The following SIL1 variants were observed in gnomAD, a reference collection of about 807,000 sequenced individuals.
The protein encoded by SIL1 is nucleotide exchange factor SIL1.
Under a neutral mutation model 49.1 loss-of-function variants are expected in SIL1, and 40 were observed. That is an observed-to-expected ratio of 0.81 (90% CI 0.63 to 1.06). The LOEUF is 1.06. Among genes scored for constraint, SIL1 ranks in the 50% least tolerant of loss-of-function variants. SIL1 has a pLI of 0.00. For synonymous variants in SIL1, 253 were observed against 250.8 expected, an observed-to-expected ratio of 1.01 and a Z score of -0.08; for missense variants, 500 against 572.6, an observed-to-expected ratio of 0.87 and a Z score of 1.29.
intron 3 of SIL1, among the ~76,000 whole-genome samples, chr5:139,054,248 T>A (rs1279710980): frequency 2.6e-5 from 4 of 152,008 alleles, no homozygotes; most frequent in East Asian, 1.9e-4. Flanking sequence ...TACAAAAAAA[T>A]TAAAATAAAA....
intron 1 of SIL1, among the ~76,000 whole-genome samples, chr5:139,146,076 T>A (rs1474897102): frequency 6.6e-6 from 1 of 152,016 alleles, no homozygotes; most frequent in East Asian, 1.9e-4. Context: ...ACTTCTGGGG[T>A]CAAGTGATTG....
chr5:138,960,711 C>G (rs1767002967), intron 7 of SIL1, among the ~76,000 whole-genome samples: 1 of 152,210 alleles, frequency 6.6e-6, no homozygotes, highest in Non-Finnish European at 1.5e-5. Context: ...CAGCCTTGAC[C>G]TCCCAAGTGC....
At chr5:139,165,022 G>A (rs1304181397) in intron 1 of SIL1, among the ~76,000 whole-genome samples, 3 of 152,166 alleles carry the variant, frequency 2.0e-5, no homozygotes, top group Non-Finnish European at 2.9e-5. Context: ...ATATTCTATA[G>A]AGAATCCCCT....
At chr5:139,061,360 A>AG (rs997012644) in intron 3 of SIL1, among the ~76,000 whole-genome samples, 1 of 152,176 alleles carries the variant, frequency 6.6e-6, no homozygotes, top group African/African-American at 2.4e-5. Flanking sequence ...GGACTTCAGG[A>AG]GGGGTGAAAA....
chr5:139,042,682 G>T lies in SIL1; in HGVS notation c.391C>A (p.Leu131Ile). 1.2e-6 allele frequency: 2 copies of T among 1,614,092 alleles called. No individual in the cohort carries two copies. The highest frequency in any genetic ancestry group is 1.7e-6 in the Non-Finnish European group (2 of 1,180,022). ...TTGAATTTTGCCAGTGCACTCTTGA[G>T]ATCCTGAGATGTGTAGGTGTTGGTG... is the stretch of plus-strand genomic sequence containing the variant. The part of the protein sequence containing the change: ...INTNTYTSQD[L>I]KSALAKFKEG... Residue 131 changes from leucine (L) to isoleucine (I), a missense_variant, in exon 5 of 10, where the codon CTC becomes ATC. Physicochemically the swap from Leu to Ile is conservative, Grantham distance 5. Coordinates refer to ENST00000394817, the MANE Select transcript of SIL1 (RefSeq NM_022464.5).
At chr5:138,958,020 A>C (rs1403825052) in intron 7 of SIL1, among the ~76,000 whole-genome samples, 1 of 151,948 alleles carries the variant, frequency 6.6e-6, no homozygotes. Context: ...TGGCCTCCTA[A>C]AACGTTGGGA....
chr5:139,052,366 A>G (rs985364632), intron 3 of SIL1, among the ~76,000 whole-genome samples: 13 of 152,184 alleles, frequency 8.5e-5, no homozygotes, highest in African/African-American at 3.1e-4. Context: ...TATGTGCATA[A>G]TGATCTCCCT....
intron 3 of SIL1, among the ~76,000 whole-genome samples, chr5:139,096,048 GAT>G (rs1278378452): frequency 6.6e-6 from 1 of 152,200 alleles, no homozygotes; most frequent in East Asian, 1.9e-4. Flanking sequence ...GCACTGAAGA[GAT>G]AGAAAAGATA....
intron 5 of SIL1, among the ~76,000 whole-genome samples, chr5:139,040,745 C>T (rs1197846701): frequency 2.0e-5 from 3 of 151,936 alleles, no homozygotes; most frequent in African/African-American, 7.3e-5. Context: ...ATGATCCACC[C>T]GCCTTGTCCT....
chr5:139,112,578 C>A (rs1216220813), intron 3 of SIL1, among the ~76,000 whole-genome samples: 1 of 151,470 alleles, frequency 6.6e-6, no homozygotes, highest in Non-Finnish European at 1.5e-5. Flanking sequence ...GCAGCCGCCC[C>A]GTCTGGGAAG....
At chr5:139,103,463 C>T (rs562746911) in intron 3 of SIL1, among the ~76,000 whole-genome samples, 26 of 152,306 alleles carry the variant, frequency 1.7e-4, no homozygotes, top group South Asian at 1.2e-3. Flanking sequence ...CAGAACAAGG[C>T]GATACCTTGG....
At chr5:139,014,537 G>C (rs1442026700) in intron 7 of SIL1, among the ~76,000 whole-genome samples, 3 of 152,136 alleles carry the variant, frequency 2.0e-5, no homozygotes, top group African/African-American at 4.8e-5. Context: ...AGAAGGCAGA[G>C]GTACATCACA....
intron 7 of SIL1, among the ~76,000 whole-genome samples, chr5:138,990,664 G>A (rs1422563413): frequency 6.6e-6 from 1 of 152,154 alleles, no homozygotes; most frequent in Non-Finnish European, 1.5e-5. Context: ...CAGGGCTCAA[G>A]TGATCCTCTC....
At chr5:138,987,025 GA>G (rs972602141) in intron 7 of SIL1, among the ~76,000 whole-genome samples, 30 of 149,242 alleles carry the variant, frequency 2.0e-4, no homozygotes, top group African/African-American at 5.9e-4. Context: ...CATGGGAGGG[GA>G]AAAAAAATTG....
chr5:139,107,947 A>G (rs972237047), intron 3 of SIL1: 1 of 152,214 alleles, frequency 6.6e-6, no homozygotes, highest in Non-Finnish European at 1.5e-5. Context: ...GCTACTAGCT[A>G]TAAAAGACAG....
At chr5:139,042,020 C>T (rs1222225696) in intron 5 of SIL1, among the ~76,000 whole-genome samples, 1 of 152,128 alleles carries the variant, frequency 6.6e-6, no homozygotes, top group Non-Finnish European at 1.5e-5. Flanking sequence ...ACATTAGGGG[C>T]ATGGCCAAGG....
intron 1 of SIL1, among the ~76,000 whole-genome samples, chr5:139,170,504 C>T (rs1200419902): frequency 1.2e-4 from 18 of 148,924 alleles, no homozygotes; most frequent in Admixed American, 2.0e-4. Context: ...ATGTGGGGAG[C>T]GCCTCTGCCC....
chr5:139,138,463 C>T (rs1007301837), intron 1 of SIL1, among the ~76,000 whole-genome samples: 3 of 152,262 alleles, frequency 2.0e-5, no homozygotes, highest in East Asian at 1.9e-4. Flanking sequence ...CCTGAGGTAC[C>T]GGGAGTGATC....
chr5:139,032,843 T>C (rs754409248), intron 5 of SIL1: 10 of 152,204 alleles, frequency 6.6e-5, no homozygotes, highest in Non-Finnish European at 1.3e-4. Flanking sequence ...TTTATATGCA[T>C]AGAGTTGTTC....
Sources: gnomAD v4.1 joint callset for allele counts (sites outside exome capture counted in the v4.1 genomes callset) on GRCh38, gnomAD v4.1.1 for gene constraint, MANE v1.5 for transcripts, NCBI Gene and HGNC (gene_info 2026-07-23, HGNC 2026-07-21) for gene names.